Variants in UMPS observed in about 807,000 individuals in gnomAD.
UMPS encodes the protein uridine 5'-monophosphate synthase.
Under a neutral mutation model 38.9 loss-of-function variants are expected in UMPS, and 21 were observed. The observed-to-expected ratio is 0.54, with a 90% CI of 0.38 to 0.78. The LOEUF (loss-of-function observed/expected upper bound fraction) is 0.78. Among genes scored for constraint, UMPS ranks in the 30% least tolerant of loss-of-function variants. The probability of loss-of-function intolerance (pLI) is 0.00; values close to 1 mark genes in which losing one functional copy is unlikely to be tolerated. For missense variants in UMPS, 533 were observed against 591.6 expected, an observed-to-expected ratio of 0.90 and a Z score of 1.03; for synonymous variants, 208 against 219.3, an observed-to-expected ratio of 0.95 and a Z score of 0.45.
chr3:124,734,578 T>C (rs2063504311), intron 1 of UMPS, among the ~76,000 whole-genome samples: 1 of 152,214 alleles, frequency 6.6e-6, no homozygotes, highest in Non-Finnish European at 1.5e-5. Flanking sequence ...CATTCTTGTG[T>C]TTTTAGATTT....
Position 124,749,129 on chromosome 3 carries a change from T to C in UMPS, c.*5045T>C, listed in dbSNP as rs778752271. On this transcript the variant is annotated 3_prime_UTR_variant, in exon 6 of 6. Coordinates refer to ENST00000232607, the MANE Select transcript of UMPS (RefSeq NM_000373.4). ...TGATTGTATTTAACAAGACATGCTG[T>C]CCTTGTTTACCTGGAACCTAGCAAT... 9 of 453,970 alleles carry C rather than the reference T, an allele frequency of 2.0e-5. No homozygotes were observed. Among genetic ancestry groups the C allele is most frequent in the Non-Finnish European group, 2.2e-5 (5 of 226,800 alleles). 28.1% of individuals were successfully genotyped at this position (453,970 alleles called of 1,614,324 possible).
In UMPS at chr3:124,731,895, A is replaced by AG. The variant is rs1180271317; in HGVS notation, c.156+1268_156+1269insG. 2.3e-3 allele frequency among the ~76,000 whole-genome samples: 353 copies of AG among 151,762 alleles called. 3 individuals are homozygous for AG. Among genetic ancestry groups the AG allele is most frequent in the African/African-American group, 7.8e-3 (321 of 41,408 alleles). ...GACTGTCTCAGAAAAAAAAAAAAAA[A>AG]AGAGATCCTCTTACCTCAACCTCTG... On this transcript the variant is annotated intron_variant, in intron 1 of 5. Coordinates refer to ENST00000232607, the MANE Select transcript of UMPS (RefSeq NM_000373.4).
chr3:124,749,201 G>T lies in UMPS; in HGVS notation c.*5117G>T, dbSNP rs1375906125. The T allele has an allele frequency of 4.4e-6, 2 of 453,574 alleles. No homozygotes were observed. The highest frequency in any genetic ancestry group is 4.0e-5 in the African/African-American group (2 of 49,782). The allele number at this position is 453,574 out of a possible 1,614,324, so 28.1% of individuals were successfully genotyped here. On this transcript the variant is annotated 3_prime_UTR_variant, in exon 6 of 6. Transcript: ENST00000232607. ...AATAGATACTTGAAGCAGAGATGATGTTGAGTTAAAAAAAATATATACATA... is the reference window on the plus strand; with the variant it reads ...AATAGATACTTGAAGCAGAGATGATTTTGAGTTAAAAAAAATATATACATA...
At position 124,740,158 on chromosome 3, in the gene UMPS, T is replaced by C. The variant is rs541686805; in HGVS notation, c.1117T>C (p.Ser373Pro). 6.2e-7 allele frequency: 1 copy of C among 1,613,308 alleles called. No individual in the cohort carries two copies. Among genetic ancestry groups the C allele is most frequent in the African/African-American group, 1.3e-5 (1 of 74,764 alleles). ...GTGCCTCCTTATTGCGGAAATGAGC[T>C]CCACCGGCTCCCTGGCCACTGGGGA... ...RGCLLIAEMS[S>P]TGSLATGDYT... The change falls in exon 4 of 6, where the codon TCC becomes CCC. Residue 373 changes from serine to proline, a missense_variant. By Grantham distance (74) the Ser-to-Pro change is moderately conservative. Transcript: ENST00000232607.
chr3:124,744,378 A>G lies in UMPS; in HGVS notation c.*294A>G, dbSNP rs1358890403. 6 of 500,656 alleles carry G rather than the reference A, an allele frequency of 1.2e-5. No homozygotes were observed. The highest frequency in any genetic ancestry group is 9.1e-5 in the Admixed American group (4 of 43,860). 31.0% of individuals were successfully genotyped at this position (500,656 alleles called of 1,614,324 possible). A position where few individuals can be genotyped will look rare whatever the true frequency, so the allele number is the denominator to read the frequency against. On this transcript the variant is annotated 3_prime_UTR_variant, in exon 6 of 6. Transcript: ENST00000232607. ...TCTTCCACATTTGAGGATCCTTCCT[A>G]TCTCTCCATGGGACTAGACTGCTTT... is the stretch of plus-strand genomic sequence containing the variant.
At chr3:124,739,468 A>G (rs2063541172) in intron 3 of UMPS, among the ~76,000 whole-genome samples, 1 of 152,114 alleles carries the variant, frequency 6.6e-6, no homozygotes, top group Non-Finnish European at 1.5e-5. Context: ...AGTAGCTGGG[A>G]CCACAGGCAT....
chr3:124,744,083 G>C lies in UMPS; in HGVS notation c.1442G>C (p.Ter481SerextTer11), dbSNP rs1287997182. The change falls in exon 6 of 6, where the codon TGA becomes TCA. Residue 481 changes from the stop codon to serine, a stop_lost. Transcript: ENST00000232607. ...WEAYLSRLGV[*>S] Reference sequence around the variant, plus strand: ...GCGTATTTGAGTAGACTTGGTGTTTGAGTGCTTCAGATACATTTTTCAGAT... The same window carrying C: ...GCGTATTTGAGTAGACTTGGTGTTTCAGTGCTTCAGATACATTTTTCAGAT... 6.2e-7 allele frequency: 1 copy of C among 1,614,000 alleles called. No homozygotes were observed. Among genetic ancestry groups the C allele is most frequent in the Non-Finnish European group, 8.5e-7 (1 of 1,179,940 alleles).
At position 124,740,180 on chromosome 3, in the gene UMPS, G is replaced by A. The variant is rs575088144; in HGVS notation, c.1139G>A (p.Gly380Glu). 1 of 1,613,162 alleles carries A rather than the reference G, an allele frequency of 6.2e-7. No homozygotes were observed. Among genetic ancestry groups the A allele is most frequent in the African/African-American group, 1.3e-5 (1 of 74,964 alleles). The stretch of plus-strand genomic sequence containing the variant: ...AGCTCCACCGGCTCCCTGGCCACTG[G>A]GGACTACACTAGAGCAGCGGTAAGT... Reference protein sequence around the residue: ...EMSSTGSLATGDYTRAAVRMA... With the variant: ...EMSSTGSLATEDYTRAAVRMA... The change falls in exon 4 of 6, where the codon GGG becomes GAG. Residue 380 changes from glycine (G) to glutamate (E), a missense_variant. Transcript: ENST00000232607.
chr3:124,746,799 A>ATGTGTGTGTGTG lies in UMPS; in HGVS notation c.*2717_*2718insTGTGTGTGTGTG, dbSNP rs2063604138. ...TGTGTGTGTGTGTGTGTGTGTGTGC[A>ATGTGTGTGTGTG]TGCGCGCGCGTGCGCACTGGAGGAA... On this transcript the variant is annotated 3_prime_UTR_variant, in exon 6 of 6. Coordinates refer to ENST00000232607, the MANE Select transcript of UMPS (RefSeq NM_000373.4). 6.9e-6 allele frequency: 2 copies of ATGTGTGTGTGTG among 291,888 alleles called. No homozygotes were observed. The highest frequency in any genetic ancestry group is 2.4e-5 in the South Asian group (1 of 41,192). The allele number at this position is 291,888 out of a possible 1,614,324, so 18.1% of individuals were successfully genotyped here.
chr3:124,741,596 T>A (rs1308261419), intron 4 of UMPS, among the ~76,000 whole-genome samples: 1 of 152,184 alleles, frequency 6.6e-6, no homozygotes, highest in African/African-American at 2.4e-5. Flanking sequence ...CTGTAGATAG[T>A]CAGTAAGCCT....
At position 124,737,919 on chromosome 3, in the gene UMPS, C is replaced by T. The variant is rs2150896817; in HGVS notation, c.662C>T (p.Ala221Val). ...HNGSPLSIKE[A>V]PKELSFGARA... ...GGTTCTCCCCTTTCTATAAAGGAAGCACCCAAAGAACTCAGCTTCGGTGCA... is the reference window on the plus strand; with the variant it reads ...GGTTCTCCCCTTTCTATAAAGGAAGTACCCAAAGAACTCAGCTTCGGTGCA... The change falls in exon 3 of 6, where the codon GCA becomes GTA. Residue 221 changes from alanine (A) to valine (V), a missense_variant. Transcript: ENST00000232607. 6.2e-7 allele frequency: 1 copy of T among 1,614,226 alleles called. No individual in the cohort carries two copies. Among genetic ancestry groups the T allele is most frequent in the Non-Finnish European group, 8.5e-7 (1 of 1,180,032 alleles).
intron 1 of UMPS, chr3:124,732,414 A>G (rs1009103362): frequency 4.5e-5 from 7 of 154,798 alleles, no homozygotes; most frequent in Non-Finnish European, 1.5e-5. Context: ...GTGCTTCTCA[A>G]CTTTGAGTAT....
chr3:124,737,449 G>A, intron 2 of UMPS, 119 bp from the exon 3 acceptor site: 2 of 894,512 alleles, frequency 2.2e-6, no homozygotes, highest in Non-Finnish European at 3.6e-6. Flanking sequence ...ATACAGAATT[G>A]GTATACACAT....
At position 124,730,489 on chromosome 3, in the gene UMPS, A is replaced by G. The variant is rs141501397; in HGVS notation, c.18A>G (p.Ala6=). The G allele has an allele frequency of 3.0e-4, 489 of 1,614,170 alleles. 3 individuals are homozygous for G. In the African/African-American group the frequency reaches 5.8e-3, roughly 19 times the overall value. Residue 6 remains alanine, a synonymous_variant, in exon 1 of 6, where the codon GCA becomes GCG. Transcript: ENST00000232607. The part of the protein sequence containing the change: MAVAR[A]ALGPLVTGLY... ...GCGCGACAATGGCGGTCGCTCGTGC[A>G]GCTTTGGGGCCATTGGTGACGGGTC...
At chr3:124,735,318 C>T (rs2063510104) in intron 2 of UMPS, 72 bp downstream of exon 2, 4 of 1,395,990 alleles carry the variant, frequency 2.9e-6, no homozygotes, top group Non-Finnish European at 3.0e-6. Context: ...TTTTCCGCTT[C>T]TGTGCACTAA....
At chr3:124,742,322 G>A in intron 5 of UMPS, 56 bp downstream of exon 5, 1 of 1,320,482 alleles carries the variant, frequency 7.6e-7, no homozygotes, top group East Asian at 2.3e-5. Flanking sequence ...CCCATGGCAG[G>A]CAAAATAAAA....
Position 124,747,910 on chromosome 3 carries a change from A to G in UMPS, c.*3826A>G. ...AAAATGACCATGAGTAACCCTGTGG[A>G]CTCTCTGCAGCTTGGTTCCTTTGCC... On this transcript the variant is annotated 3_prime_UTR_variant, in exon 6 of 6. Coordinates refer to ENST00000232607, the MANE Select transcript of UMPS (RefSeq NM_000373.4). 4.4e-6 allele frequency: 2 copies of G among 453,500 alleles called. No homozygotes were observed. The highest frequency in any genetic ancestry group is 3.1e-5 in the South Asian group (2 of 64,446). 28.1% of individuals were successfully genotyped at this position (453,500 alleles called of 1,614,324 possible). A position where few individuals can be genotyped will look rare whatever the true frequency, so the allele number is the denominator to read the frequency against.
At position 124,748,840 on chromosome 3, in the gene UMPS, C is replaced by G. The variant is rs554476632; in HGVS notation, c.*4756C>G. On this transcript the variant is annotated 3_prime_UTR_variant, in exon 6 of 6. Transcript: ENST00000232607. ...GCTCCAGAGTAACATTATAGAGAAG[C>G]TGAATTCTCCTGTTTTTCTGAAAAG... 118 of 410,046 alleles carry G rather than the reference C, an allele frequency of 2.9e-4. No homozygotes were observed. Among genetic ancestry groups the G allele is most frequent in the African/African-American group, 2.4e-3 (115 of 48,854 alleles). The allele number at this position is 410,046 out of a possible 1,614,324, so 25.4% of individuals were successfully genotyped here.
At chr3:124,742,098 T>A in intron 4 of UMPS, 54 bp from the exon 5 acceptor site, 1 of 1,356,204 alleles carries the variant, frequency 7.4e-7, no homozygotes, top group Non-Finnish European at 1.1e-6. Flanking sequence ...TTTTTACTTT[T>A]ATTCTGTGTG....
Sources: allele counts gnomAD v4.1 joint callset (sites outside exome capture counted in the v4.1 genomes callset), GRCh38; gene constraint gnomAD v4.1.1; transcripts MANE v1.5; gene names NCBI Gene and HGNC (gene_info 2026-07-23, HGNC 2026-07-21).